Variants in SASH1 observed in about 807,000 individuals in gnomAD.
SASH1 encodes the protein SAM and SH3 domain containing 1.
Under a neutral mutation model 125.2 loss-of-function variants are expected in SASH1, and 44 were observed. The observed-to-expected ratio is 0.35, with a 90% confidence interval of 0.28 to 0.45. The LOEUF (loss-of-function observed/expected upper bound fraction) is 0.45. Ranked by LOEUF, SASH1 falls within the 20% of genes least tolerant of loss-of-function variation. The pLI is 1.00. For synonymous variants in SASH1, 639 were observed against 649.1 expected (o/e 0.98, Z 0.24); for missense variants, 1,426 against 1,614.5 (o/e 0.88, Z 2.00).
chr6:148,243,928 G>A, the SASH1 span, among the ~76,000 whole-genome samples: 1 of 152,026 alleles, frequency 6.6e-6, no homozygotes, highest in East Asian at 1.9e-4. Context: ...GAAGCGCCTG[G>A]CCCACCTGGC....
intron 1 of SASH1, among the ~76,000 whole-genome samples, chr6:148,347,467 A>AAT (rs1781558020): frequency 1.3e-5 from 2 of 152,158 alleles, no homozygotes; most frequent in African/African-American, 4.8e-5. Context: ...CTATCTTACT[A>AAT]TTTACTCCAT....
intron 2 of SASH1, among the ~76,000 whole-genome samples, chr6:148,416,234 A>G (rs145976906): frequency 6.6e-6 from 1 of 152,326 alleles, no homozygotes; most frequent in East Asian, 1.9e-4. Context: ...TTTCAAAAGA[A>G]TAGATGAAAC....
chr6:148,544,385 C>A lies in SASH1; in HGVS notation c.2915C>A (p.Ala972Asp). The A allele has an allele frequency of 6.2e-7, 1 of 1,614,156 alleles. No individual in the cohort carries two copies. Among genetic ancestry groups the A allele is most frequent in the Non-Finnish European group, 8.5e-7 (1 of 1,180,024 alleles). ...CTGGGCACCAAAGAAGGGGTAGATG[C>A]TGAGCAGAGAATGCAGCCCAAAATT... ...HPLGTKEGVD[A>D]EQRMQPKIPS... is the part of the protein sequence containing the mutation. Residue 972 changes from alanine to aspartate, a missense_variant, in exon 18 of 20, where the codon GCT (alanine) becomes GAT (aspartate). Physicochemically the swap from Ala to Asp is moderately radical, Grantham distance 126. Coordinates refer to ENST00000367467, the MANE Select transcript of SASH1 (RefSeq NM_015278.5). This position sits in a 1 kb window ranked among gnomAD's most constrained non-coding sequence, Gnocchi z 6.4.
Position 148,548,732 on chromosome 6 carries a change from A to C in SASH1, c.*174A>C. 1.6e-6 allele frequency: 1 copy of C among 622,440 alleles called. No homozygotes were observed. The highest frequency in any genetic ancestry group is 2.6e-6 in the Non-Finnish European group (1 of 389,150). 38.6% of individuals were successfully genotyped at this position (622,440 alleles called of 1,614,324 possible). On this transcript the variant is annotated 3_prime_UTR_variant, in exon 20 of 20. Coordinates refer to ENST00000367467, the MANE Select transcript of SASH1 (RefSeq NM_015278.5). ...GGACTGAGGATCCTCTCCTCCAGAA[A>C]AGCCCCCTCGAGGAAATAAATTAGT...
At chr6:148,346,956 G>A (rs1229612483) in intron 1 of SASH1, among the ~76,000 whole-genome samples, 1 of 152,168 alleles carries the variant, frequency 6.6e-6, no homozygotes. Flanking sequence ...CTTCTATTGA[G>A]AAGTGCAAAA....
chr6:148,491,348 C>A (rs920654519), intron 8 of SASH1, among the ~76,000 whole-genome samples: 1 of 152,194 alleles, frequency 6.6e-6, no homozygotes, highest in African/African-American at 2.4e-5. Context: ...CGGCTCACTG[C>A]AACTTCTGCC....
At chr6:148,297,566 G>T (rs369781506) in intron 1 of SASH1, among the ~76,000 whole-genome samples, 60 of 152,336 alleles carry the variant, frequency 3.9e-4, no homozygotes, top group African/African-American at 1.3e-3. Flanking sequence ...GGGTGTGGCG[G>T]CTTACGCCTG....
At chr6:148,414,899 C>A (rs547895804) in intron 2 of SASH1, among the ~76,000 whole-genome samples, 2 of 152,178 alleles carry the variant, frequency 1.3e-5, no homozygotes, top group Non-Finnish European at 2.9e-5. Context: ...CCACCTCGGC[C>A]TCCCAAAGTG....
chr6:148,459,022 AC>A (rs1491119991), intron 4 of SASH1, among the ~76,000 whole-genome samples: 1 of 132,520 alleles, frequency 7.5e-6, no homozygotes, highest in Non-Finnish European at 1.6e-5. Context: ...ACACACACAC[AC>A]CCTCTAGCAT....
At chr6:148,208,435 A>G in the SASH1 span, among the ~76,000 whole-genome samples, 1 of 152,328 alleles carries the variant, frequency 6.6e-6, no homozygotes, top group Middle Eastern at 3.4e-3. Flanking sequence ...CGACCTCTGG[A>G]TGGTGGACAG....
intron 2 of SASH1, among the ~76,000 whole-genome samples, chr6:148,411,251 G>C (rs1784618550): frequency 7.0e-6 from 1 of 143,728 alleles, no homozygotes; most frequent in Admixed American, 7.1e-5. Flanking sequence ...ATTAGTTCTA[G>C]TTACATATAT....
At chr6:148,345,050 G>A (rs553444041) in intron 1 of SASH1, among the ~76,000 whole-genome samples, 6 of 152,274 alleles carry the variant, frequency 3.9e-5, no homozygotes, top group South Asian at 2.1e-4. Context: ...CACCGCGCCC[G>A]ATAGACTGTT....
chr6:148,537,297 C>T (rs1781906204), intron 16 of SASH1, among the ~76,000 whole-genome samples: 1 of 152,164 alleles, frequency 6.6e-6, no homozygotes, highest in Non-Finnish European at 1.5e-5. Context: ...AAAATGCCAG[C>T]CATCATATAG....
Position 148,421,209 on chromosome 6 carries a change from G to GAA in SASH1, c.286-18973_286-18972dup, listed in dbSNP as rs1173164590. Among the ~76,000 whole-genome samples the GAA allele has an allele frequency of 1.9e-4, 26 of 137,216 alleles. No homozygotes were observed. In the East Asian group the frequency reaches 4.0e-3, roughly 21 times the overall value. The allele number at this position is 137,216 out of a possible 152,430, so 90.0% of individuals were successfully genotyped here. On this transcript the variant is annotated intron_variant, in intron 2 of 19. Coordinates refer to ENST00000367467, the MANE Select transcript of SASH1 (RefSeq NM_015278.5). ...AGAAAGAAAGAAAGAAAGAAAGAAA[G>GAA]AAAGAAAAAGAAAGAAAGAAGGAAG...
chr6:148,445,302 C>G (rs548794017), intron 4 of SASH1, among the ~76,000 whole-genome samples: 1 of 152,280 alleles, frequency 6.6e-6, no homozygotes, highest in Admixed American at 6.5e-5. Flanking sequence ...TTTACCCAGC[C>G]CCAGTTCAAG....
intron 2 of SASH1, among the ~76,000 whole-genome samples, chr6:148,434,222 G>A (rs190160743): frequency 3.2e-4 from 49 of 151,554 alleles, no homozygotes; most frequent in Non-Finnish European, 6.3e-4. Context: ...GACTACAGGC[G>A]CCCGCCACCA....
At chr6:148,269,627 A>G (rs1461755736), upstream of SASH1, among the ~76,000 whole-genome samples, 1 of 152,032 alleles carries the variant, frequency 6.6e-6, no homozygotes. Context: ...TGCATGTTTG[A>G]TTGCATTGTT....
At chr6:148,318,833 G>C (rs1780555175) in intron 1 of SASH1, among the ~76,000 whole-genome samples, 1 of 151,920 alleles carries the variant, frequency 6.6e-6, no homozygotes, top group Admixed American at 6.6e-5. Flanking sequence ...TTACAGGCGT[G>C]AGCCGCCACG....
At chr6:148,355,617 A>G (rs893509899) in intron 1 of SASH1, among the ~76,000 whole-genome samples, 8 of 152,182 alleles carry the variant, frequency 5.3e-5, no homozygotes, top group African/African-American at 1.9e-4. Context: ...GTGGCTGCAT[A>G]TTCTGAGTCT....
Sources: gnomAD v4.1 joint callset for allele counts (sites outside exome capture counted in the v4.1 genomes callset) on GRCh38, gnomAD v4.1.1 for gene constraint, Gnocchi (gnomAD v3.1) non-coding constraint, MANE v1.5 for transcripts, NCBI Gene and HGNC (gene_info 2026-07-23, HGNC 2026-07-21) for gene names.